MBD5: variants seen among roughly 807,000 people sequenced by gnomAD.
The protein encoded by MBD5 is methyl-CpG binding domain protein 5.
In MBD5, 13 loss-of-function variants were observed where a neutral mutation model predicts 117.3. The ratio of observed to expected loss-of-function variants is 0.11; its 90% CI spans 0.07 to 0.18. The LOEUF (loss-of-function observed/expected upper bound fraction) is 0.18, where lower values mean the gene tolerates loss of function less well. Ranked by LOEUF, MBD5 falls within the 10% of genes least tolerant of loss-of-function variation. MBD5 has a pLI of 1.00. For synonymous variants in MBD5, 727 were observed against 766.4 expected (o/e 0.95, Z 0.85); for missense variants, 1,879 against 2,093.8 (o/e 0.90, Z 2.00).
intron 2 of MBD5, among the ~76,000 whole-genome samples, chr2:148,224,025 C>T (rs1699755580): frequency 6.6e-6 from 1 of 152,156 alleles, no homozygotes; most frequent in Non-Finnish European, 1.5e-5. Context: ...TGTATTTGTA[C>T]AGTTTACAAA....
intron 1 of MBD5, among the ~76,000 whole-genome samples, chr2:148,123,624 A>G (rs1696820033): frequency 6.6e-6 from 1 of 152,202 alleles, no homozygotes; most frequent in Non-Finnish European, 1.5e-5. Flanking sequence ...TCTGCCTAGA[A>G]ATGTTCACCA....
chr2:148,478,456 G>GCC (rs1384415384), intron 8 of MBD5, among the ~76,000 whole-genome samples: 4 of 152,056 alleles, frequency 2.6e-5, no homozygotes, highest in Admixed American at 2.6e-4. Context: ...GCCTCAGGAG[G>GCC]CTGAGGCAGG....
chr2:148,049,668 T>C (rs1694638723), intron 1 of MBD5, among the ~76,000 whole-genome samples: 1 of 152,176 alleles, frequency 6.6e-6, no homozygotes. Context: ...CCAGAATATT[T>C]CTATCTCCCT....
At chr2:148,061,072 C>G (rs1695023603) in intron 1 of MBD5, among the ~76,000 whole-genome samples, 1 of 151,940 alleles carries the variant, frequency 6.6e-6, no homozygotes, top group African/African-American at 2.4e-5. Flanking sequence ...TTTAATTTTG[C>G]CAAGGTATTT....
chr2:148,315,170 T>A (rs1174079794), intron 3 of MBD5, among the ~76,000 whole-genome samples: 1 of 152,124 alleles, frequency 6.6e-6, no homozygotes, highest in African/African-American at 2.4e-5. Flanking sequence ...ATCTCCATAT[T>A]CTAGACCAAC....
chr2:148,278,562 CT>C (rs772952730), intron 3 of MBD5, among the ~76,000 whole-genome samples: 67 of 152,208 alleles, frequency 4.4e-4, no homozygotes, highest in East Asian at 1.2e-3. Flanking sequence ...AATCTTCATA[CT>C]TTTTTTAATG....
At chr2:148,477,525 C>T (rs1011700822) in intron 8 of MBD5, among the ~76,000 whole-genome samples, 5 of 151,966 alleles carry the variant, frequency 3.3e-5, no homozygotes, top group Admixed American at 3.3e-4. Flanking sequence ...TTCCCTCTTA[C>T]TAAAACTTGA....
intron 1 of MBD5, among the ~76,000 whole-genome samples, chr2:148,132,607 A>G (rs1043465149): frequency 4.6e-5 from 7 of 152,090 alleles, no homozygotes; most frequent in African/African-American, 1.7e-4. Flanking sequence ...CTTTGCTTAA[A>G]TCATATTTGG....
intron 1 of MBD5, among the ~76,000 whole-genome samples, chr2:148,098,894 A>G (rs138883426): frequency 1.1e-4 from 17 of 152,166 alleles, no homozygotes; most frequent in Non-Finnish European, 1.5e-4. Flanking sequence ...CTACAATAAA[A>G]TAAAATAAAA....
rs139825964 is a variant in MBD5, at chr2:148,174,584, C to T, written c.-924-4116C>T. ...TTAATATCCAAAATATATAAGAAGC[C>T]GAAACACCTGAATAGCAAGAAAATT... On this transcript the variant is annotated intron_variant, in intron 1 of 13. Coordinates refer to ENST00000642680, the MANE Select transcript of MBD5 (RefSeq NM_001378120.1). Among the ~76,000 whole-genome samples the T allele has an allele frequency of 7.3e-3, 1,100 of 150,882 alleles. 11 individuals are homozygous for T. Among genetic ancestry groups the T allele is most frequent in the African/African-American group, 0.025 (1,024 of 41,156 alleles).
At chr2:148,419,678 T>G (rs911101002) in intron 4 of MBD5, among the ~76,000 whole-genome samples, 5 of 152,124 alleles carry the variant, frequency 3.3e-5, no homozygotes, top group African/African-American at 1.2e-4. Flanking sequence ...TACTATTTGG[T>G]AAGGTAATTT....
intron 2 of MBD5, among the ~76,000 whole-genome samples, chr2:148,197,396 T>C (rs1699015563): frequency 6.6e-6 from 1 of 152,202 alleles, no homozygotes; most frequent in South Asian, 2.1e-4. Flanking sequence ...GATTGTTTGT[T>C]ATGCAGCAGT....
chr2:148,437,391 C>T (rs1706186311), intron 4 of MBD5, among the ~76,000 whole-genome samples: 1 of 152,034 alleles, frequency 6.6e-6, no homozygotes, highest in South Asian at 2.1e-4. Flanking sequence ...ATATGTATGC[C>T]TTGGATTTGG....
intron 3 of MBD5, among the ~76,000 whole-genome samples, chr2:148,267,777 A>G (rs1222292185): frequency 6.6e-6 from 1 of 151,906 alleles, no homozygotes; most frequent in Admixed American, 6.6e-5. Flanking sequence ...GACTTGGGGT[A>G]GGTATCTAAT....
intron 4 of MBD5, among the ~76,000 whole-genome samples, chr2:148,419,709 G>A (rs1303893687): frequency 2.6e-5 from 4 of 151,918 alleles, no homozygotes; most frequent in Admixed American, 2.0e-4. Context: ...TTATATGTTA[G>A]TATTATATCC....
chr2:148,412,546 G>A (rs2103127), intron 4 of MBD5, among the ~76,000 whole-genome samples: 93,009 of 151,688 alleles, frequency 0.61, 29,581 homozygotes, highest in African/African-American at 0.79. Context: ...AACTGTTTCT[G>A]GTAGTATGGC....
chr2:148,468,308 T>G, intron 7 of MBD5, 33 bp from the exon 8 acceptor site: 1 of 1,582,776 alleles, frequency 6.3e-7, no homozygotes, highest in Non-Finnish European at 8.7e-7. Context: ...GTTGAGACTG[T>G]TAACAGAATT....
At position 148,233,327 on chromosome 2, in the gene MBD5, G is replaced by A. The variant is rs189471967; in HGVS notation, c.-748G>A. The A allele has an allele frequency of 1.2e-4, 18 of 152,228 alleles. No individual in the cohort carries two copies. The allele number at this position is 152,228 out of a possible 1,614,324, so 9.4% of individuals were successfully genotyped here. A position where few individuals can be genotyped will look rare whatever the true frequency, so the allele number is the denominator to read the frequency against. ...TCCATAGAACCCTAATGCTTCTTTA[G>A]TTCCATCAAACACAGAGGAATGACC... On this transcript the variant is annotated 5_prime_UTR_variant, in exon 3 of 14. The change abolishes the stop of an existing upstream ORF in the 5' untranslated region. Coordinates refer to ENST00000642680, the MANE Select transcript of MBD5 (RefSeq NM_001378120.1).
chr2:148,502,311 G>C, intron 11 of MBD5, 125 bp from the exon 12 acceptor site: 1 of 785,746 alleles, frequency 1.3e-6, no homozygotes, highest in Non-Finnish European at 2.2e-6. Context: ...GATTTGACAA[G>C]GTAGTGAAGG....
Sources: gnomAD v4.1 joint callset for allele counts (sites outside exome capture counted in the v4.1 genomes callset) on GRCh38, gnomAD v4.1.1 for gene constraint, MANE v1.5 for transcripts, NCBI Gene and HGNC (gene_info 2026-07-23, HGNC 2026-07-21) for gene names.